Variants in NT5C2 observed in about 807,000 individuals in gnomAD.
The protein encoded by NT5C2 is 5'-nucleotidase, cytosolic II.
In NT5C2, 58 loss-of-function variants were observed where a neutral mutation model predicts 76.1. The ratio of observed to expected loss-of-function variants is 0.76; its 90% CI spans 0.62 to 0.95. The LOEUF is 0.95. Among genes scored for constraint, NT5C2 ranks in the 40% least tolerant of loss-of-function variants. The probability of loss-of-function intolerance (pLI) is 0.00; values close to 1 mark genes in which losing one functional copy is unlikely to be tolerated. For synonymous variants in NT5C2, 229 were observed against 237.4 expected, an observed-to-expected ratio of 0.96 and a Z score of 0.32; for missense variants, 478 against 690.3, an observed-to-expected ratio of 0.69 and a Z score of 3.45.
chr10:103,122,739 A>T (rs542436464), intron 4 of NT5C2, among the ~76,000 whole-genome samples: 2 of 152,318 alleles, frequency 1.3e-5, no homozygotes, highest in African/African-American at 4.8e-5. Flanking sequence ...TGTCATCCTT[A>T]TACCACGAGG....
intron 2 of NT5C2, among the ~76,000 whole-genome samples, chr10:103,180,298 G>C (rs754752742): frequency 6.6e-6 from 1 of 152,100 alleles, no homozygotes; most frequent in Non-Finnish European, 1.5e-5. Context: ...TACACTGCTG[G>C]AAAGAAAATA....
At chr10:103,136,030 T>G (rs192920489) in intron 4 of NT5C2, among the ~76,000 whole-genome samples, 18 of 152,262 alleles carry the variant, frequency 1.2e-4, no homozygotes, top group African/African-American at 3.6e-4. Context: ...CAGGTTGCAG[T>G]GAGCCAGGAT....
chr10:103,184,156 T>TG (rs1302327074), intron 1 of NT5C2, among the ~76,000 whole-genome samples: 1 of 152,186 alleles, frequency 6.6e-6, no homozygotes, highest in Non-Finnish European at 1.5e-5. Flanking sequence ...TTCACCGTGT[T>TG]GGTTAGGCTG....
chr10:103,145,799 A>C (rs1349253573), intron 3 of NT5C2, among the ~76,000 whole-genome samples: 1 of 152,176 alleles, frequency 6.6e-6, no homozygotes, highest in Non-Finnish European at 1.5e-5. Context: ...ATAAAGACAA[A>C]TGTAACAGCT....
intron 16 of NT5C2, 89 bp from the exon 17 acceptor site, chr10:103,091,085 A>G: frequency 8.4e-7 from 1 of 1,185,292 alleles, no homozygotes; most frequent in Non-Finnish European, 1.2e-6. Context: ...CTCAGGCTGG[A>G]GTGCAGGGGT....
At chr10:103,133,209 G>T (rs1165918423) in intron 4 of NT5C2, among the ~76,000 whole-genome samples, 1 of 152,098 alleles carries the variant, frequency 6.6e-6, no homozygotes, top group African/African-American at 2.4e-5. Flanking sequence ...CATGCCTTTT[G>T]CCTTTCACCT....
At chr10:103,158,591 G>A (rs2083978047) in intron 3 of NT5C2, among the ~76,000 whole-genome samples, 1 of 152,064 alleles carries the variant, frequency 6.6e-6, no homozygotes, top group Admixed American at 6.6e-5. Flanking sequence ...GCCAAGGCAG[G>A]CGATCACTTG....
chr10:103,143,291 T>C (rs1472732750), intron 3 of NT5C2, among the ~76,000 whole-genome samples: 2 of 152,106 alleles, frequency 1.3e-5, no homozygotes, highest in Non-Finnish European at 2.9e-5. Context: ...CCATCAGTGA[T>C]CTAGGTCAAT....
At chr10:103,090,843 G>A in intron 17 of NT5C2, 56 bp from the exon 18 acceptor site, 1 of 1,589,184 alleles carries the variant, frequency 6.3e-7, no homozygotes, top group Non-Finnish European at 8.6e-7. Context: ...TTATTGAGCA[G>A]TAGTTGAATG....
intron 1 of NT5C2, among the ~76,000 whole-genome samples, chr10:103,188,804 C>A (rs2092346201): frequency 6.6e-6 from 1 of 152,142 alleles, no homozygotes; most frequent in South Asian, 2.1e-4. Flanking sequence ...GAGTTTGAAA[C>A]CAGCCTGGCC....
chr10:103,093,122 A>G lies in NT5C2; in HGVS notation c.1159+17T>C. The G allele has an allele frequency of 6.5e-7, 1 of 1,542,616 alleles. No homozygotes were observed. The highest frequency in any genetic ancestry group is 8.7e-7 in the Non-Finnish European group (1 of 1,148,990). On this transcript the variant is annotated intron_variant, in intron 15 of 18. Transcript: ENST00000404739. Reference sequence around the variant, plus strand: ...CATTTAGATATAAATTACACCAAAGATTTATGAATGGCTTACAACTCTTGT... The same window carrying G: ...CATTTAGATATAAATTACACCAAAGGTTTATGAATGGCTTACAACTCTTGT...
intron 12 of NT5C2, 51 bp from the exon 13 acceptor site, chr10:103,094,506 C>G: frequency 1.1e-6 from 1 of 913,032 alleles, no homozygotes; most frequent in Non-Finnish European, 1.8e-6. Context: ...TACCTTAAGG[C>G]ATTACTATTT....
intron 3 of NT5C2, among the ~76,000 whole-genome samples, chr10:103,164,850 C>T (rs2085962542): frequency 6.6e-6 from 1 of 152,144 alleles, no homozygotes; most frequent in Non-Finnish European, 1.5e-5. Context: ...TCTTTCTCTT[C>T]CATGCCACCA....
intron 4 of NT5C2, among the ~76,000 whole-genome samples, chr10:103,134,595 G>A (rs1030097149): frequency 2.0e-5 from 3 of 152,242 alleles, no homozygotes; most frequent in African/African-American, 7.2e-5. Flanking sequence ...CTAAGGCAGT[G>A]CAGAAGGGAA....
At chr10:103,098,648 G>T (rs747217131) in intron 10 of NT5C2, 5 of 350,408 alleles carry the variant, frequency 1.4e-5, no homozygotes, top group Non-Finnish European at 2.1e-5. Context: ...ACCTCTAACT[G>T]CTATTATAAT....
At chr10:103,163,665 A>T (rs1030780935) in intron 3 of NT5C2, among the ~76,000 whole-genome samples, 5 of 151,208 alleles carry the variant, frequency 3.3e-5, no homozygotes, top group Non-Finnish European at 7.4e-5. Flanking sequence ...CCTTTATCGA[A>T]TTTTTTTCAG....
chr10:103,111,325 A>G (rs2072972980), intron 4 of NT5C2, among the ~76,000 whole-genome samples: 1 of 152,228 alleles, frequency 6.6e-6, no homozygotes, highest in Non-Finnish European at 1.5e-5. Flanking sequence ...GAGTCCCAAA[A>G]GGAGGACTGC....
chr10:103,178,024 AC>A (rs1291317854), intron 2 of NT5C2, among the ~76,000 whole-genome samples: 1 of 152,248 alleles, frequency 6.6e-6, no homozygotes, highest in Non-Finnish European at 1.5e-5. Flanking sequence ...ATGGAATCAT[AC>A]AACATGTGAC....
At chr10:103,153,158 G>C in intron 3 of NT5C2, 1 of 482,336 alleles carries the variant, frequency 2.1e-6, no homozygotes, top group South Asian at 2.3e-5. Context: ...TAAGATTTGG[G>C]CTGAATTTCT....
Sources: gnomAD v4.1 joint callset for allele counts (sites outside exome capture counted in the v4.1 genomes callset) on GRCh38, gnomAD v4.1.1 for gene constraint, MANE v1.5 for transcripts, NCBI Gene and HGNC (gene_info 2026-07-23, HGNC 2026-07-21) for gene names.